The following TSPAN11 variants were observed in gnomAD, a reference collection of about 807,000 sequenced individuals.
TSPAN11 encodes tetraspanin-11.
Under a neutral mutation model 32.9 loss-of-function variants are expected in TSPAN11, and 29 were observed. That is an observed-to-expected ratio of 0.88 (90% CI 0.66 to 1.20). The LOEUF is 1.20. TSPAN11 is among the 50% of genes most tolerant of loss of function. The pLI, the probability that TSPAN11 is intolerant of heterozygous loss-of-function variation, is 0.00. For missense variants in TSPAN11, 283 were observed against 329.1 expected, an observed-to-expected ratio of 0.86 and a Z score of 1.08; for synonymous variants, 140 against 141.3, an observed-to-expected ratio of 0.99 and a Z score of 0.07.
intron 3 of TSPAN11, among the ~76,000 whole-genome samples, chr12:30,968,545 GA>G (rs1367558530): frequency 2.6e-5 from 4 of 152,216 alleles, no homozygotes; most frequent in African/African-American, 9.6e-5. Context: ...GCCTGCATGA[GA>G]GAGATAATTC....
chr12:30,980,594 C>T (rs929637851), intron 5 of TSPAN11, among the ~76,000 whole-genome samples: 12 of 151,136 alleles, frequency 7.9e-5, no homozygotes, highest in African/African-American at 2.4e-4. Flanking sequence ...GGCTCCGGAA[C>T]GTCAGGCAAG....
chr12:31,010,038 A>G, the TSPAN11 span, among the ~76,000 whole-genome samples: 1 of 152,324 alleles, frequency 6.6e-6, no homozygotes, highest in Non-Finnish European at 1.5e-5. Flanking sequence ...CAGAGCTAGG[A>G]GCTGGAACCA....
At chr12:30,931,167 T>G (rs896305361) in intron 1 of TSPAN11, among the ~76,000 whole-genome samples, 1 of 152,188 alleles carries the variant, frequency 6.6e-6, no homozygotes, top group African/African-American at 2.4e-5. Flanking sequence ...GTACTTCGTG[T>G]TTTGAAAGGG....
rs546033930 is a variant in TSPAN11, at chr12:30,993,167, A to G, written c.*1252A>G. 1 of 152,288 alleles carries G rather than the reference A, an allele frequency of 6.6e-6. No individual in the cohort carries two copies. Among genetic ancestry groups the G allele is most frequent in the East Asian group, 1.9e-4 (1 of 5,172 alleles). The allele number at this position is 152,288 out of a possible 1,614,324, so 9.4% of individuals were successfully genotyped here. A position where few individuals can be genotyped will look rare whatever the true frequency, so the allele number is the denominator to read the frequency against. ...AGCCCATTCACTACACAAGAACCCCACACCTGGCTTCCACCCTCCCCAGCT... is the reference window on the plus strand; with the variant it reads ...AGCCCATTCACTACACAAGAACCCCGCACCTGGCTTCCACCCTCCCCAGCT... On this transcript the variant is annotated 3_prime_UTR_variant, in exon 8 of 8. Transcript: ENST00000546076.
the TSPAN11 span, among the ~76,000 whole-genome samples, chr12:31,005,062 CTTGTGGGGG>C: frequency 6.6e-6 from 1 of 152,222 alleles, no homozygotes; most frequent in Admixed American, 6.5e-5. Flanking sequence ...ATCTGAGAGC[CTTGTGGGGG>C]TTGCATAGTG....
At chr12:30,955,890 A>G (rs1470109805) in intron 2 of TSPAN11, among the ~76,000 whole-genome samples, 1 of 152,208 alleles carries the variant, frequency 6.6e-6, no homozygotes, top group Non-Finnish European at 1.5e-5. Flanking sequence ...TGTGAATATC[A>G]TATTTCCAAA....
At chr12:30,942,330 C>T (rs1938183311) in intron 1 of TSPAN11, among the ~76,000 whole-genome samples, 1 of 152,186 alleles carries the variant, frequency 6.6e-6, no homozygotes, top group Non-Finnish European at 1.5e-5. Context: ...CTCCATCTTA[C>T]AGAGGAGGAA....
chr12:30,928,871 A>G (rs1193958922), intron 1 of TSPAN11, among the ~76,000 whole-genome samples: 1 of 152,198 alleles, frequency 6.6e-6, no homozygotes, highest in African/African-American at 2.4e-5. Flanking sequence ...TAGCTTTGCC[A>G]CATCCTACTA....
intron 1 of TSPAN11, among the ~76,000 whole-genome samples, chr12:30,941,660 G>A (rs1281550874): frequency 6.6e-6 from 1 of 152,196 alleles, no homozygotes; most frequent in Non-Finnish European, 1.5e-5. Context: ...GTGTAGAGGT[G>A]ACCCAAGCAC....
At chr12:31,007,918 A>G in the TSPAN11 span, among the ~76,000 whole-genome samples, 1 of 152,050 alleles carries the variant, frequency 6.6e-6, no homozygotes, top group East Asian at 1.9e-4. Context: ...GGCGGGGGCC[A>G]GGGAGGAGGG....
At chr12:31,003,033 G>T in the TSPAN11 span, among the ~76,000 whole-genome samples, 68 of 152,320 alleles carry the variant, frequency 4.5e-4, 1 homozygote, top group African/African-American at 1.6e-3. Context: ...AAGAAAGGCT[G>T]AGTCCACATC....
intron 3 of TSPAN11, among the ~76,000 whole-genome samples, chr12:30,967,063 A>C (rs1454627112): frequency 6.6e-6 from 1 of 152,222 alleles, no homozygotes; most frequent in South Asian, 2.1e-4. Context: ...TAGTGTAATC[A>C]TAGGAGCGCT....
chr12:30,954,244 G>A, intron 2 of TSPAN11, 169 bp downstream of exon 2: 1 of 629,956 alleles, frequency 1.6e-6, no homozygotes. Flanking sequence ...ATTTGCTACT[G>A]AGAAAGAAGA....
chr12:30,932,979 T>G (rs1241733121), intron 1 of TSPAN11, among the ~76,000 whole-genome samples: 2 of 152,194 alleles, frequency 1.3e-5, no homozygotes, highest in Admixed American at 1.3e-4. Context: ...TCCTTAAGCA[T>G]GAAATGACGT....
chr12:30,979,459 G>T lies in TSPAN11; in HGVS notation c.352-107G>T, dbSNP rs567044021. 6 of 981,792 alleles carry T rather than the reference G, an allele frequency of 6.1e-6. No homozygotes were observed. The East Asian group carries it at 1.4e-4, about 24-fold the overall frequency. 60.8% of individuals were successfully genotyped at this position (981,792 alleles called of 1,614,324 possible). On this transcript the variant is annotated intron_variant, in intron 4 of 7. Transcript: ENST00000546076. The stretch of plus-strand genomic sequence containing the variant: ...AAACCTCCGCATCACACCATCCACA[G>T]TCCGCAGTGTTCTAGAATTAGCTGG...
intron 1 of TSPAN11, among the ~76,000 whole-genome samples, chr12:30,947,955 A>G (rs1938302737): frequency 1.3e-5 from 2 of 152,226 alleles, no homozygotes; most frequent in South Asian, 2.1e-4. Flanking sequence ...CCTAGGTACA[A>G]TGGTGGTACA....
intron 1 of TSPAN11, 53 bp from the exon 2 acceptor site, chr12:30,953,928 G>A: frequency 7.2e-7 from 1 of 1,379,526 alleles, no homozygotes; most frequent in Non-Finnish European, 1.0e-6. Context: ...CTCTGGGAAG[G>A]ACAAGGTGGT....
the TSPAN11 span, among the ~76,000 whole-genome samples, chr12:31,006,210 C>T: frequency 6.6e-6 from 1 of 152,186 alleles, no homozygotes; most frequent in Non-Finnish European, 1.5e-5. Context: ...TAGTCTATGG[C>T]AGGAGAATCT....
intron 1 of TSPAN11, among the ~76,000 whole-genome samples, chr12:30,933,565 C>T (rs561609242): frequency 8.5e-5 from 13 of 152,296 alleles, no homozygotes; most frequent in East Asian, 7.7e-4. Context: ...GTGCAGGAGC[C>T]GCTCCACTGA....
Sources: gnomAD v4.1 joint callset for allele counts (sites outside exome capture counted in the v4.1 genomes callset) on GRCh38, gnomAD v4.1.1 for gene constraint, MANE v1.5 for transcripts, NCBI Gene and HGNC (gene_info 2026-07-23, HGNC 2026-07-21) for gene names.